The following DDX31 variants were observed in gnomAD, a reference collection of about 807,000 sequenced individuals.
DDX31 encodes the protein DEAD-box helicase 31.
Under a neutral mutation model 91.3 loss-of-function variants are expected in DDX31, and 70 were observed. The ratio of observed to expected loss-of-function variants is 0.77; its 90% CI spans 0.63 to 0.94. DDX31 has a LOEUF of 0.94. DDX31 is among the 40% of genes least tolerant of loss of function. The pLI, the probability that DDX31 is intolerant of heterozygous loss-of-function variation, is 0.00. For missense variants in DDX31, 902 were observed against 925.0 expected (o/e 0.98, Z 0.32); for synonymous variants, 362 against 350.6 (o/e 1.03, Z -0.36).
intron 3 of DDX31, 75 bp downstream of exon 3, chr9:132,662,186 G>A (rs3739900): frequency 2.3e-5 from 33 of 1,410,410 alleles, no homozygotes; most frequent in Admixed American, 3.6e-5. Context: ...CTCCTAGAGC[G>A]GCCATTTCAC....
intron 13 of DDX31, 135 bp downstream of exon 13, chr9:132,645,760 C>G: frequency 1.0e-6 from 1 of 983,404 alleles, no homozygotes; most frequent in East Asian, 2.7e-5. Flanking sequence ...TCGTCTCATT[C>G]TTGACTTGCC....
intron 4 of DDX31, among the ~76,000 whole-genome samples, chr9:132,660,179 C>T (rs548851698): frequency 1.3e-5 from 2 of 151,798 alleles, no homozygotes; most frequent in African/African-American, 4.8e-5. Flanking sequence ...ACTAAAAATA[C>T]AAAAAATTAG....
intron 3 of DDX31, 65 bp downstream of exon 3, chr9:132,662,196 C>T: frequency 6.5e-7 from 1 of 1,548,184 alleles, no homozygotes; most frequent in Non-Finnish European, 8.9e-7. Flanking sequence ...GGCCATTTCA[C>T]AGACCTTCTG....
chr9:132,667,605 A>AAAAAC (rs372699370), intron 1 of DDX31, among the ~76,000 whole-genome samples: 98 of 151,574 alleles, frequency 6.5e-4, no homozygotes, highest in Middle Eastern at 3.4e-3. Flanking sequence ...TCCATCTCAA[A>AAAAAC]AAAACAAAAC....
At chr9:132,647,213 C>A (rs1833897233) in intron 11 of DDX31, among the ~76,000 whole-genome samples, 155 bp from the exon 12 acceptor site, 1 of 151,938 alleles carries the variant, frequency 6.6e-6, no homozygotes, top group African/African-American at 2.4e-5. Context: ...CGCCCTAGTG[C>A]CAACGTGTGT....
rs961212889 is a variant in DDX31, at chr9:132,594,548, T to C, written c.*318A>G. The C allele has an allele frequency of 7.5e-6, 2 of 266,766 alleles. No individual in the cohort carries two copies. Among genetic ancestry groups the C allele is most frequent in the Non-Finnish European group, 1.4e-5 (2 of 140,112 alleles). The allele number at this position is 266,766 out of a possible 1,614,324, so 16.5% of individuals were successfully genotyped here. A position where few individuals can be genotyped will look rare whatever the true frequency, so the allele number is the denominator to read the frequency against. ...GGCTGACGCGCAGGGCGTTCTTACA[T>C]CACATCCCGGGGTGCCAGCTCAACC... is the stretch of plus-strand genomic sequence containing the variant. On this transcript the variant is annotated 3_prime_UTR_variant, in exon 20 of 20. Coordinates refer to ENST00000372159, the MANE Select transcript of DDX31 (RefSeq NM_022779.9).
chr9:132,655,585 T>G (rs549059087), intron 6 of DDX31, among the ~76,000 whole-genome samples: 15 of 152,304 alleles, frequency 9.8e-5, no homozygotes, highest in African/African-American at 3.1e-4. Context: ...AAAGTGGGAA[T>G]AGATGACTTT....
chr9:132,662,298 G>T lies in DDX31; in HGVS notation c.371C>A (p.Ser124Ter), dbSNP rs1835017424. 1 of 1,614,206 alleles carries T rather than the reference G, an allele frequency of 6.2e-7. No individual in the cohort carries two copies. The highest frequency in any genetic ancestry group is 8.5e-7 in the Non-Finnish European group (1 of 1,180,042). ...VKQVQEKVFTSAAFHELGLHP... is the reference protein window; with the variant it reads ...VKQVQEKVFT ...GAGGCCCAGCTCATGAAAAGCAGCT[G>T]AAGTAAACACTTTTTCTTGCACCTG... The change falls in exon 3 of 20, where the codon TCA (serine) becomes TAA (stop). Residue 124 changes from serine to a stop codon, truncating the protein, a stop_gained. Transcript: ENST00000372159. LOFTEE classifies it high-confidence loss of function.
At chr9:132,597,878 GGA>G (rs2119177256) in intron 19 of DDX31, among the ~76,000 whole-genome samples, 1 of 152,346 alleles carries the variant, frequency 6.6e-6, no homozygotes, top group East Asian at 1.9e-4. Flanking sequence ...CCACTGAATA[GGA>G]ACAGGAGGGC....
Position 132,595,115 on chromosome 9 carries a change from G to A in DDX31, c.1995-3C>T. 2.5e-6 allele frequency: 4 copies of A among 1,611,934 alleles called. No individual in the cohort carries two copies. The highest frequency in any genetic ancestry group is 3.4e-6 in the Non-Finnish European group (4 of 1,178,340). The stretch of plus-strand genomic sequence containing the variant: ...GGGTCTTCTTATGAAGGTCAGGCCT[G>A]AAGAACAGTAACAGCAGAGAGGGAA... On this transcript the variant is annotated splice_polypyrimidine_tract_variant and splice_region_variant and intron_variant, in intron 19 of 19. Coordinates refer to ENST00000372159, the MANE Select transcript of DDX31 (RefSeq NM_022779.9). This position sits in a 1 kb window ranked among gnomAD's most constrained non-coding sequence, Gnocchi z 4.6.
chr9:132,628,656 T>C (rs1448541275), intron 16 of DDX31, among the ~76,000 whole-genome samples: 5 of 152,206 alleles, frequency 3.3e-5, no homozygotes, highest in Admixed American at 6.5e-5. Context: ...CATTGGGCTC[T>C]GCAACTGCTG....
intron 16 of DDX31, among the ~76,000 whole-genome samples, chr9:132,628,804 C>T (rs1294897267): frequency 6.6e-6 from 1 of 152,320 alleles, no homozygotes; most frequent in South Asian, 2.1e-4. Context: ...AAGTGTGAAG[C>T]GACTGACAGG....
At chr9:132,641,307 G>A (rs1181964327) in intron 14 of DDX31, among the ~76,000 whole-genome samples, 1 of 152,320 alleles carries the variant, frequency 6.6e-6, no homozygotes, top group Admixed American at 6.5e-5. Context: ...TTTCATTACT[G>A]TGTATATAGG....
chr9:132,648,290 A>G lies in DDX31; in HGVS notation c.866T>C (p.Leu289Ser), dbSNP rs776450139. The change falls in exon 11 of 20, where the codon TTG becomes TCG. Residue 289 changes from leucine to serine, a missense_variant. By Grantham distance (145) the Leu-to-Ser change is moderately radical. Coordinates refer to ENST00000372159, the MANE Select transcript of DDX31 (RefSeq NM_022779.9). ...WLVFDEADRI[L>S]DLGFEKDITV... ...GATGTCCTTTTCAAAACCCAAATCC[A>G]AGATTCTGTGATTGTAAAAAAAAAA... is the stretch of plus-strand genomic sequence containing the variant. 6.2e-7 allele frequency: 1 copy of G among 1,610,484 alleles called. No homozygotes were observed. Among genetic ancestry groups the G allele is most frequent in the Non-Finnish European group, 8.5e-7 (1 of 1,179,030 alleles).
intron 19 of DDX31, among the ~76,000 whole-genome samples, chr9:132,596,728 G>A (rs1037292683): frequency 3.3e-5 from 5 of 152,196 alleles, no homozygotes; most frequent in South Asian, 2.1e-4. Flanking sequence ...CCGGGTCAGC[G>A]GGGGCAGGAC....
chr9:132,632,047 A>T lies in DDX31; in HGVS notation c.1485T>A (p.Ile495=). 2 of 1,613,220 alleles carry T rather than the reference A, an allele frequency of 1.2e-6. No homozygotes were observed. Among genetic ancestry groups the T allele is most frequent in the Non-Finnish European group, 1.7e-6 (2 of 1,179,472 alleles). The part of the protein sequence containing the change: ...RGLDLPQVTW[I]VQYNAPSSPA... ...TTAACAACTAAAAAATTACCTGAAC[A>T]ATCCACGTGACTTGAGGGAGATCTA... is the stretch of plus-strand genomic sequence containing the variant. Residue 495 remains isoleucine (I), a synonymous_variant, in exon 15 of 20, where the codon ATT becomes ATA. Transcript: ENST00000372159.
At chr9:132,637,171 A>G (rs1470284108) in intron 14 of DDX31, among the ~76,000 whole-genome samples, 1 of 152,084 alleles carries the variant, frequency 6.6e-6, no homozygotes, top group African/African-American at 2.4e-5. Flanking sequence ...GAGAGGTCCC[A>G]GGGAAACAGC....
At chr9:132,654,806 C>T (rs1023052288) in intron 6 of DDX31, among the ~76,000 whole-genome samples, 2 of 151,508 alleles carry the variant, frequency 1.3e-5, no homozygotes, top group Non-Finnish European at 2.9e-5. Context: ...ATTAGGCGGG[C>T]GTGGTGGTAG....
intron 17 of DDX31, among the ~76,000 whole-genome samples, chr9:132,619,657 C>T (rs547641850): frequency 1.3e-5 from 2 of 152,278 alleles, no homozygotes; most frequent in East Asian, 3.9e-4. Flanking sequence ...ATGACAGTCT[C>T]GCTGATTTCA....
Sources: allele counts gnomAD v4.1 joint callset (sites outside exome capture counted in the v4.1 genomes callset), GRCh38; gene constraint gnomAD v4.1.1; non-coding constraint Gnocchi (gnomAD v3.1); transcripts MANE v1.5; gene names NCBI Gene and HGNC (gene_info 2026-07-23, HGNC 2026-07-21).